Variants in ATP1B1 observed in about 807,000 individuals in gnomAD.
ATP1B1 encodes the protein ATPase Na+/K+ transporting subunit beta 1, also known as sodium/potassium-transporting ATPase subunit beta-1.
In ATP1B1, 3 loss-of-function variants were observed where a neutral mutation model predicts 39.6. The observed-to-expected ratio is 0.08, with a 90% confidence interval of 0.03 to 0.20. The LOEUF is 0.20. Among genes scored for constraint, ATP1B1 ranks in the 10% least tolerant of loss-of-function variants. The pLI is 1.00. For missense variants in ATP1B1, 216 were observed against 371.1 expected, an observed-to-expected ratio of 0.58 and a Z score of 3.43; for synonymous variants, 139 against 135.0, an observed-to-expected ratio of 1.03 and a Z score of -0.20.
rs1244171675 is a variant in ATP1B1 at position 169,131,607 on chromosome 1, C to A, written c.*52C>A. On this transcript the variant is annotated 3_prime_UTR_variant, in exon 6 of 6. Transcript: ENST00000367815. This position sits in a 1 kb window ranked among gnomAD's most constrained non-coding sequence, Gnocchi z 4.4. ...CCATTTAATAAGTTAAAAAAAGATA[C>A]AAAAACAAAAACCTACTAGTCTTGA... 1 of 1,552,822 alleles carries A rather than the reference C, an allele frequency of 6.4e-7. No individual in the cohort carries two copies. Among genetic ancestry groups the A allele is most frequent in the Admixed American group, 2.0e-5 (1 of 49,544 alleles).
intron 1 of ATP1B1, among the ~76,000 whole-genome samples, chr1:169,108,532 CT>C (rs1657654569): frequency 6.6e-6 from 1 of 152,174 alleles, no homozygotes; most frequent in Non-Finnish European, 1.5e-5. Flanking sequence ...GCTGCATTGA[CT>C]CTAGGCACAT....
At chr1:169,108,103 TGCA>T (rs1657642891) in intron 1 of ATP1B1, 1 of 150,162 alleles carries the variant, frequency 6.7e-6, no homozygotes, top group Non-Finnish European at 1.5e-5. Context: ...GAAAAAAAAA[TGCA>T]GCCTGTGAGT....
intron 2 of ATP1B1, among the ~76,000 whole-genome samples, chr1:169,116,260 A>G (rs1490787425): frequency 6.6e-6 from 1 of 152,190 alleles, no homozygotes; most frequent in Non-Finnish European, 1.5e-5. Context: ...AGTGAAATGA[A>G]GGTCACTGTG....
chr1:169,109,443 T>C (rs982229781), intron 1 of ATP1B1, among the ~76,000 whole-genome samples: 4 of 151,170 alleles, frequency 2.6e-5, no homozygotes. Flanking sequence ...CCTCTAGTCC[T>C]GAGTGCTCCA....
intron 2 of ATP1B1, among the ~76,000 whole-genome samples, chr1:169,122,733 C>A (rs1658004433): frequency 6.9e-6 from 1 of 144,554 alleles, no homozygotes; most frequent in Non-Finnish European, 1.5e-5. Context: ...TCTACATCAT[C>A]CTTTTCAGGA....
Position 169,131,232 on chromosome 1 carries a change from G to A in ATP1B1, c.649-60G>A. 2 of 1,499,976 alleles carry A rather than the reference G, an allele frequency of 1.3e-6. No individual in the cohort carries two copies. The highest frequency in any genetic ancestry group is 8.9e-7 in the Non-Finnish European group (1 of 1,117,876). 92.9% of individuals were successfully genotyped at this position (1,499,976 alleles called of 1,614,324 possible). A position where few individuals can be genotyped will look rare whatever the true frequency, so the allele number is the denominator to read the frequency against. On this transcript the variant is annotated intron_variant, in intron 5 of 5. Coordinates refer to ENST00000367815, the MANE Select transcript of ATP1B1 (RefSeq NM_001677.4). This position sits in a 1 kb window ranked among gnomAD's most constrained non-coding sequence, Gnocchi z 4.4. ...ACTGTGTAGATTGAGTCTTGTTTTT[G>A]AGTACACATAGTGATGCATGATGTG...
intron 2 of ATP1B1, among the ~76,000 whole-genome samples, chr1:169,120,823 A>G (rs1657963727): frequency 6.6e-6 from 1 of 152,158 alleles, no homozygotes; most frequent in South Asian, 2.1e-4. Flanking sequence ...GTCTAGAGAG[A>G]CATGAGGCCA....
chr1:169,114,929 C>G (rs1394847749), intron 2 of ATP1B1, among the ~76,000 whole-genome samples: 3 of 151,778 alleles, frequency 2.0e-5, no homozygotes, highest in Admixed American at 2.0e-4. Flanking sequence ...TGGTGACTCA[C>G]GTCTGTAATC....
chr1:169,132,074 C>T lies in ATP1B1; in HGVS notation c.*519C>T, dbSNP rs142647779. On this transcript the variant is annotated 3_prime_UTR_variant, in exon 6 of 6. Coordinates refer to ENST00000367815, the MANE Select transcript of ATP1B1 (RefSeq NM_001677.4). ...GGCTCTTTCAAAGGTAATGGCCCAT[C>T]GATGAGCATTTTTAACATACTCCAT... 114 of 294,582 alleles carry T rather than the reference C, an allele frequency of 3.9e-4. 2 individuals are homozygous for T. In the East Asian group the frequency reaches 0.01, roughly 26 times the overall value. The allele number at this position is 294,582 out of a possible 1,614,324, so 18.2% of individuals were successfully genotyped here.
intron 2 of ATP1B1, among the ~76,000 whole-genome samples, chr1:169,119,419 A>G (rs1433598435): frequency 1.3e-5 from 2 of 152,212 alleles, no homozygotes; most frequent in African/African-American, 2.4e-5. Flanking sequence ...TTCCTGGAAT[A>G]TAACTTGAAA....
chr1:169,130,160 C>T, intron 5 of ATP1B1, 70 bp downstream of exon 5: 3 of 1,325,858 alleles, frequency 2.3e-6, no homozygotes. Flanking sequence ...ATGAAGAAGA[C>T]TGTTTAAGTG....
intron 2 of ATP1B1, among the ~76,000 whole-genome samples, chr1:169,118,507 C>A (rs1209884035): frequency 6.6e-6 from 1 of 152,196 alleles, no homozygotes; most frequent in Non-Finnish European, 1.5e-5. Context: ...CGCCTTTTTT[C>A]TGTGCCTCTC....
chr1:169,110,583 T>TTC, intron 1 of ATP1B1: 3 of 1,026,248 alleles, frequency 2.9e-6, no homozygotes, highest in South Asian at 3.3e-5. Context: ...TTTTTTTTTT[T>TTC]TTTGCTTTTG....
intron 2 of ATP1B1, among the ~76,000 whole-genome samples, chr1:169,112,114 A>G (rs1225079821): frequency 6.6e-6 from 1 of 152,238 alleles, no homozygotes; most frequent in Non-Finnish European, 1.5e-5. Flanking sequence ...CATTGATTTA[A>G]TAAGCATCTC....
intron 1 of ATP1B1, among the ~76,000 whole-genome samples, chr1:169,109,961 G>A (rs992189636): frequency 2.6e-5 from 4 of 152,174 alleles, no homozygotes; most frequent in South Asian, 2.1e-4. Flanking sequence ...CTTGTCCTGC[G>A]GGGAGGGAGT....
At chr1:169,122,746 A>ATTTTTTTT (rs753882699) in intron 2 of ATP1B1, among the ~76,000 whole-genome samples, 6 of 82,404 alleles carry the variant, frequency 7.3e-5, no homozygotes, top group South Asian at 4.0e-4. Context: ...TTTCAGGATG[A>ATTTTTTTT]TTTTTTTTTT....
At position 169,110,593 on chromosome 1, in the gene ATP1B1, G is replaced by A. The variant is rs781584198; in HGVS notation, c.98-777G>A. ...TTTTTTTTTTTTTTTTTTTGCTTTT[G>A]CAGCTATTTCAGCCTCCATCCTGTT... On this transcript the variant is annotated intron_variant, in intron 1 of 5. Coordinates refer to ENST00000367815, the MANE Select transcript of ATP1B1 (RefSeq NM_001677.4). 78 of 264,420 alleles carry A rather than the reference G, an allele frequency of 2.9e-4. No individual in the cohort carries two copies. The African/African-American group carries it at 6.3e-3, about 21-fold the overall frequency. The allele number at this position is 264,420 out of a possible 1,614,324, so 16.4% of individuals were successfully genotyped here. A position where few individuals can be genotyped will look rare whatever the true frequency, so the allele number is the denominator to read the frequency against.
intron 2 of ATP1B1, among the ~76,000 whole-genome samples, chr1:169,115,172 G>C (rs1158337688): frequency 2.5e-5 from 3 of 121,782 alleles, no homozygotes; most frequent in Non-Finnish European, 4.9e-5. Flanking sequence ...GTGACAGAGC[G>C]AAGACTCCAT....
intron 2 of ATP1B1, among the ~76,000 whole-genome samples, chr1:169,120,883 G>A (rs918634448): frequency 3.3e-5 from 5 of 151,792 alleles, no homozygotes; most frequent in African/African-American, 1.2e-4. Flanking sequence ...TCATGTAACA[G>A]TAATACCTAT....
Sources: allele counts gnomAD v4.1 joint callset (sites outside exome capture counted in the v4.1 genomes callset), GRCh38; gene constraint gnomAD v4.1.1; non-coding constraint Gnocchi (gnomAD v3.1); transcripts MANE v1.5; gene names NCBI Gene and HGNC (gene_info 2026-07-23, HGNC 2026-07-21).